The following ARHGAP23 variants were observed in gnomAD, a reference collection of about 807,000 sequenced individuals.
ARHGAP23 encodes the protein rho GTPase-activating protein 23.
ARHGAP23 carries 34 observed loss-of-function variants against 136.3 expected under a neutral mutation model. The observed-to-expected ratio is 0.25, with a 90% CI of 0.19 to 0.33. The LOEUF (loss-of-function observed/expected upper bound fraction) is 0.33. Ranked by LOEUF, ARHGAP23 falls within the 10% of genes least tolerant of loss-of-function variation. The pLI is 1.00. For synonymous variants in ARHGAP23, 832 were observed against 920.5 expected (o/e 0.90, Z 1.74); for missense variants, 1,808 against 2,139.0 (o/e 0.85, Z 3.05).
chr17:38,492,089 G>GC (rs2040291524), intron 20 of ARHGAP23, among the ~76,000 whole-genome samples: 1 of 152,194 alleles, frequency 6.6e-6, no homozygotes, highest in African/African-American at 2.4e-5. Context: ...TACTGGGCTG[G>GC]CCACCTCCCT....
At chr17:38,490,286 G>A in intron 18 of ARHGAP23, 111 bp downstream of exon 18, 1 of 1,235,278 alleles carries the variant, frequency 8.1e-7, no homozygotes, top group Non-Finnish European at 1.2e-6. Flanking sequence ...CCTTGGAGAA[G>A]CCCCGCTCCA....
chr17:38,443,247 AC>A (rs1185443652), intron 1 of ARHGAP23, among the ~76,000 whole-genome samples: 1 of 152,152 alleles, frequency 6.6e-6, no homozygotes. Flanking sequence ...CCTGCCTAGC[AC>A]CCAACCCGGT....
intron 20 of ARHGAP23, 79 bp downstream of exon 20, chr17:38,491,611 G>C: frequency 6.5e-7 from 1 of 1,531,364 alleles, no homozygotes; most frequent in South Asian, 1.2e-5. Context: ...CTCTTGCTCC[G>C]CCTGGCGGAG....
chr17:38,486,182 C>G (rs2144735397), intron 17 of ARHGAP23, 42 bp downstream of exon 17: 1 of 1,491,422 alleles, frequency 6.7e-7, no homozygotes, highest in Non-Finnish European at 9.2e-7. Context: ...GGACACCAGT[C>G]CGTGCCTCAC....
chr17:38,453,897 GC>G (rs2144589424), intron 1 of ARHGAP23: 1 of 145,584 alleles, frequency 6.9e-6, no homozygotes, highest in East Asian at 2.0e-4. Context: ...CCCGCGCGGC[GC>G]GCGCGTCTCC....
At chr17:38,475,518 C>T (rs1175517505) in intron 11 of ARHGAP23, among the ~76,000 whole-genome samples, 5 of 152,318 alleles carry the variant, frequency 3.3e-5, no homozygotes, top group East Asian at 3.9e-4. Context: ...AGGATCCACA[C>T]GATGGGAGGC....
At chr17:38,503,806 G>A (rs551540383) in intron 23 of ARHGAP23, among the ~76,000 whole-genome samples, 3 of 152,308 alleles carry the variant, frequency 2.0e-5, no homozygotes, top group Admixed American at 6.5e-5. Flanking sequence ...CAGAGAGTAC[G>A]TCTTTACTGT....
chr17:38,464,826 C>T (rs371956812), intron 6 of ARHGAP23, among the ~76,000 whole-genome samples: 1 of 152,192 alleles, frequency 6.6e-6, no homozygotes, highest in South Asian at 2.1e-4. Flanking sequence ...CTCCACTGGC[C>T]CCCGCATCTC....
At chr17:38,447,939 C>G (rs921983083) in intron 1 of ARHGAP23, among the ~76,000 whole-genome samples, 1 of 152,228 alleles carries the variant, frequency 6.6e-6, no homozygotes, top group African/African-American at 2.4e-5. Flanking sequence ...AGAGGCTCCT[C>G]TTTAGTTTCC....
intron 1 of ARHGAP23, among the ~76,000 whole-genome samples, chr17:38,443,335 T>C (rs2038960271): frequency 6.6e-6 from 1 of 152,200 alleles, no homozygotes; most frequent in African/African-American, 2.4e-5. Context: ...AGTTAGCGCA[T>C]CTAACAGCAG....
chr17:38,496,922 C>T lies in ARHGAP23; in HGVS notation c.3277-863C>T, dbSNP rs541187481. The stretch of plus-strand genomic sequence containing the variant: ...GAGCCAAGATTGCACCACTGCACTC[C>T]AGCCTGGGTGACAGAGTGAGATTCT... On this transcript the variant is annotated intron_variant, in intron 20 of 23. Transcript: ENST00000622683. Among the ~76,000 whole-genome samples, 8 of 151,154 alleles carry T rather than the reference C, an allele frequency of 5.3e-5. No homozygotes were observed. The South Asian group carries it at 1.7e-3, about 32-fold the overall frequency.
chr17:38,458,949 C>CT (rs2039395272), intron 2 of ARHGAP23, among the ~76,000 whole-genome samples: 1 of 152,202 alleles, frequency 6.6e-6, no homozygotes, highest in Admixed American at 6.5e-5. Context: ...GTTGTGTTCT[C>CT]TGAGTCCAGG....
At chr17:38,424,480 C>A (rs974473443), upstream of ARHGAP23, among the ~76,000 whole-genome samples, 4 of 152,174 alleles carry the variant, frequency 2.6e-5, no homozygotes, top group African/African-American at 9.7e-5. Flanking sequence ...CTCTGCCCCA[C>A]ACAGTGCCAC....
chr17:38,436,189 T>C (rs1415440653), intron 1 of ARHGAP23, among the ~76,000 whole-genome samples: 2 of 151,434 alleles, frequency 1.3e-5, no homozygotes, highest in African/African-American at 4.9e-5. Flanking sequence ...GAGGAGAGGG[T>C]AGGAGGCAGA....
intron 1 of ARHGAP23, chr17:38,452,485 T>A (rs977149179): frequency 5.9e-5 from 9 of 152,112 alleles, no homozygotes; most frequent in African/African-American, 2.2e-4. Context: ...AGGAGTGGGG[T>A]TGGGCTGGAG....
At chr17:38,497,423 G>A (rs917214413) in intron 20 of ARHGAP23, among the ~76,000 whole-genome samples, 14 of 152,168 alleles carry the variant, frequency 9.2e-5, no homozygotes, top group African/African-American at 1.9e-4. Flanking sequence ...CCTGCCCCCC[G>A]GCTCGCTGTG....
At chr17:38,426,550 C>CAAAAAAAAAAAAAAAAAAAA (rs751365956), upstream of ARHGAP23, among the ~76,000 whole-genome samples, 124 of 51,172 alleles carry the variant, frequency 2.4e-3, 7 homozygotes, top group South Asian at 7.3e-3. Context: ...AACTCCATCT[C>CAAAAAAAAAAAAAAAAAAAA]AAAAAAAAAA....
chr17:38,456,917 T>C (rs1832387800), intron 1 of ARHGAP23, among the ~76,000 whole-genome samples: 1 of 144,970 alleles, frequency 6.9e-6, no homozygotes, highest in South Asian at 2.1e-4. Flanking sequence ...ACCTCCAGCC[T>C]TTTTTTTTTT....
chr17:38,479,206 GC>G (rs1372224638), intron 12 of ARHGAP23, among the ~76,000 whole-genome samples: 7 of 152,168 alleles, frequency 4.6e-5, no homozygotes, highest in Non-Finnish European at 8.8e-5. Flanking sequence ...TTCCCTGTTA[GC>G]CCCCCATGTT....
Sources: allele counts gnomAD v4.1 joint callset (sites outside exome capture counted in the v4.1 genomes callset), GRCh38; gene constraint gnomAD v4.1.1; transcripts MANE v1.5; gene names NCBI Gene and HGNC (gene_info 2026-07-23, HGNC 2026-07-21).